The following PTPRA variants were observed in gnomAD, a reference collection of about 807,000 sequenced individuals.
PTPRA encodes protein tyrosine phosphatase receptor type A, also known as receptor-type tyrosine-protein phosphatase alpha.
A neutral mutation model predicts 104.8 loss-of-function variants in PTPRA; 25 were observed. The observed-to-expected ratio is 0.24, with a 90% CI of 0.17 to 0.33. The LOEUF is 0.33. Among genes scored for constraint, PTPRA ranks in the 10% least tolerant of loss-of-function variants. PTPRA has a pLI of 1.00. For missense variants in PTPRA, 765 were observed against 1,015.3 expected (o/e 0.75, Z 3.35); for synonymous variants, 323 against 368.9 (o/e 0.88, Z 1.43).
At chr20:2,963,572 C>T (rs953704810) in intron 3 of PTPRA, among the ~76,000 whole-genome samples, 2 of 151,742 alleles carry the variant, frequency 1.3e-5, no homozygotes, top group African/African-American at 4.8e-5. Flanking sequence ...CCAGCCCGGG[C>T]GACAGTGCAA....
rs751878630 is a variant in PTPRA, at chr20:3,035,637, T to C, written c.1973T>C (p.Ile658Thr). 1.1e-5 allele frequency: 17 copies of C among 1,613,778 alleles called. No individual in the cohort carries two copies. Among genetic ancestry groups the C allele is most frequent in the South Asian group, 3.3e-5 (3 of 91,066 alleles). Residue 658 changes from isoleucine (I) to threonine (T), a missense_variant, in exon 21 of 24, where the codon ATT becomes ACT. Ile to Thr is a moderately conservative substitution (Grantham distance 89, BLOSUM62 -1). Coordinates refer to ENST00000399903, the MANE Select transcript of PTPRA (RefSeq NM_001385305.1). The surrounding 1 kb of genome is among the most constrained non-coding windows in gnomAD (Gnocchi z 5.8). ...PSDGLVSYGD[I>T]TVELKKEEEC... ...GATGGACTGGTGTCCTATGGAGATA[T>C]TACAGTGGAACTGAAGAAGGAGGAG...
chr20:3,003,700 ATTTTTTTTTTTTTT>A (rs59358849), intron 9 of PTPRA, among the ~76,000 whole-genome samples: 1 of 105,564 alleles, frequency 9.5e-6, no homozygotes, highest in Non-Finnish European at 1.9e-5. Flanking sequence ...ATACCTGGCT[ATTTTTTTTTTTTTT>A]TTTTTTTTTA....
chr20:2,907,490 A>C (rs2059469729), intron 1 of PTPRA, among the ~76,000 whole-genome samples: 1 of 152,250 alleles, frequency 6.6e-6, no homozygotes, highest in Non-Finnish European at 1.5e-5. Context: ...TATTTTTCAT[A>C]GAATATCTAT....
chr20:3,022,544 T>C lies in PTPRA; in HGVS notation c.1329-145T>C. 1 of 1,166,592 alleles carries C rather than the reference T, an allele frequency of 8.6e-7. No individual in the cohort carries two copies. The highest frequency in any genetic ancestry group is 1.2e-6 in the Non-Finnish European group (1 of 835,094). 72.3% of individuals were successfully genotyped at this position (1,166,592 alleles called of 1,614,324 possible). ...CAGGATTCAGGACATACTGGAGTTG[T>C]TGGCTCCTGGAGAGCCCCAGCTCTA... On this transcript the variant is annotated intron_variant, in intron 15 of 23. Transcript: ENST00000399903. This position sits in a 1 kb window ranked among gnomAD's most constrained non-coding sequence, Gnocchi z 4.6.
At chr20:2,962,426 A>G (rs1429017912) in intron 3 of PTPRA, among the ~76,000 whole-genome samples, 1 of 152,178 alleles carries the variant, frequency 6.6e-6, no homozygotes, top group African/African-American at 2.4e-5. Context: ...TTATTTTGGT[A>G]TATGGAATGA....
intron 5 of PTPRA, among the ~76,000 whole-genome samples, chr20:2,965,715 G>T (rs2061920597): frequency 6.6e-6 from 1 of 152,224 alleles, no homozygotes; most frequent in Admixed American, 6.5e-5. Context: ...ATGACAGTTA[G>T]ATATGGAGTG....
intron 2 of PTPRA, among the ~76,000 whole-genome samples, chr20:2,947,528 C>T (rs2061179111): frequency 1.3e-5 from 2 of 152,290 alleles, no homozygotes; most frequent in East Asian, 3.9e-4. Flanking sequence ...TTGTGCTCTA[C>T]ATTCACCCTG....
At chr20:2,894,429 C>A (rs2058914822) in intron 1 of PTPRA, among the ~76,000 whole-genome samples, 1 of 152,092 alleles carries the variant, frequency 6.6e-6, no homozygotes, top group Admixed American at 6.6e-5. Context: ...GGGTCCTGTG[C>A]CACACTGGAG....
At chr20:2,927,701 AT>A (rs1370156301) in intron 2 of PTPRA, among the ~76,000 whole-genome samples, 2 of 151,962 alleles carry the variant, frequency 1.3e-5, no homozygotes, top group African/African-American at 4.8e-5. Flanking sequence ...CTTTCTTTGT[AT>A]TTGTTTTTTA....
chr20:2,894,802 C>T (rs371259049), intron 1 of PTPRA, among the ~76,000 whole-genome samples: 43 of 151,936 alleles, frequency 2.8e-4, no homozygotes, highest in African/African-American at 1.0e-3. Flanking sequence ...TTGGCTAACA[C>T]GGTGAAACCC....
chr20:2,899,781 G>T (rs913986014), intron 1 of PTPRA, among the ~76,000 whole-genome samples: 5 of 152,046 alleles, frequency 3.3e-5, no homozygotes, highest in Non-Finnish European at 5.9e-5. Context: ...CAACACAATA[G>T]GGTTTCTTCT....
chr20:2,897,623 G>A (rs982066778), intron 1 of PTPRA, among the ~76,000 whole-genome samples: 1 of 151,944 alleles, frequency 6.6e-6, no homozygotes, highest in Non-Finnish European at 1.5e-5. Flanking sequence ...CTTGACCTCA[G>A]ATGATCTGCC....
rs1568638017 is a variant in PTPRA, at chr20:2,883,675, A to AAAAAAAAAAAAAAAG, written c.-129+9918_-129+9919insAAAAAAAAAAAGAAA. On this transcript the variant is annotated intron_variant, in intron 1 of 23. Coordinates refer to ENST00000399903, the MANE Select transcript of PTPRA (RefSeq NM_001385305.1). ...TCAAAAAAAAAAAAAAAAAAAAAAA[A>AAAAAAAAAAAAAAAG]AAAGAAAGAAATGTGCAATGGTAGA... Among the ~76,000 whole-genome samples, 8 of 22,668 alleles carry AAAAAAAAAAAAAAAG rather than the reference A, an allele frequency of 3.5e-4. 1 individual carries two copies. The African/African-American group carries it at 5.9e-3, about 17-fold the overall frequency. 14.9% of individuals were successfully genotyped at this position (22,668 alleles called of 152,430 possible).
rs549156538 is a variant in PTPRA at position 3,015,309 on chromosome 20, T to C, written c.907-540T>C. On this transcript the variant is annotated intron_variant, in intron 11 of 23. Transcript: ENST00000399903. ...TTTTTCTTTCTTTCTTTTTCTTTTTTTTTTTTTTTTGGAGATGGAGTCTTG... is the reference window on the plus strand; with the variant it reads ...TTTTTCTTTCTTTCTTTTTCTTTTTCTTTTTTTTTTGGAGATGGAGTCTTG... Among the ~76,000 whole-genome samples the C allele has an allele frequency of 1.1e-4, 16 of 150,062 alleles. No individual in the cohort carries two copies. The East Asian group carries it at 1.2e-3, about 11-fold the overall frequency.
intron 3 of PTPRA, among the ~76,000 whole-genome samples, chr20:2,959,631 A>C (rs73581764): frequency 0.055 from 8,416 of 152,194 alleles, 744 homozygotes; most frequent in African/African-American, 0.19. Context: ...AGAGAGTTTC[A>C]GGTTCACAGC....
chr20:3,022,331 C>A lies in PTPRA; in HGVS notation c.1328+111C>A. ...AGGAGGCTGGCACAGAGTAGATGAC[C>A]TACTGGGGCACCAGCGCAACAGCCA... On this transcript the variant is annotated intron_variant, in intron 15 of 23. Transcript: ENST00000399903. This position sits in a 1 kb window ranked among gnomAD's most constrained non-coding sequence, Gnocchi z 4.6. The A allele has an allele frequency of 7.4e-7, 1 of 1,350,356 alleles. No homozygotes were observed. The highest frequency in any genetic ancestry group is 1.0e-6 in the Non-Finnish European group (1 of 981,426). 83.6% of individuals were successfully genotyped at this position (1,350,356 alleles called of 1,614,324 possible). A position where few individuals can be genotyped will look rare whatever the true frequency, so the allele number is the denominator to read the frequency against.
In PTPRA at chr20:3,022,127, G is replaced by A; in HGVS notation, c.1235G>A (p.Gly412Glu). 6.2e-7 allele frequency: 1 copy of A among 1,614,186 alleles called. No individual in the cohort carries two copies. The highest frequency in any genetic ancestry group is 8.5e-7 in the Non-Finnish European group (1 of 1,180,034). The part of the protein sequence containing the change: ...QFHFTSWPDF[G>E]VPFTPIGMLK... ...CACTTTACCAGCTGGCCAGACTTTG[G>A]GGTGCCTTTTACCCCGATCGGCATG... is the stretch of plus-strand genomic sequence containing the variant. The change falls in exon 15 of 24, where the codon GGG becomes GAG. Residue 412 changes from glycine (G) to glutamate (E), a missense_variant. Physicochemically the swap from Gly to Glu is moderately conservative, Grantham distance 98. This residue lies in a region of PTPRA where 245 missense variants were observed against 398.7 expected (regional missense o/e 0.61). Coordinates refer to ENST00000399903, the MANE Select transcript of PTPRA (RefSeq NM_001385305.1). This position sits in a 1 kb window ranked among gnomAD's most constrained non-coding sequence, Gnocchi z 4.6.
In PTPRA at chr20:2,950,155, TG is replaced by T. The variant is rs2061304179; in HGVS notation, c.-7+2134del. Among the ~76,000 whole-genome samples, 1 of 152,160 alleles carries T rather than the reference TG, an allele frequency of 6.6e-6. No individual in the cohort carries two copies. Among genetic ancestry groups the T allele is most frequent in the Non-Finnish European group, 1.5e-5 (1 of 68,008 alleles). Reference sequence around the variant, plus strand: ...GCATCTGGGTCCAGTGTTTTTTATGTGGGACAAATTTGAACTTGTGGTCAAC... The same window carrying T: ...GCATCTGGGTCCAGTGTTTTTTATGTGGACAAATTTGAACTTGTGGTCAAC... On this transcript the variant is annotated intron_variant, in intron 3 of 23. Coordinates refer to ENST00000399903, the MANE Select transcript of PTPRA (RefSeq NM_001385305.1). The surrounding 1 kb of genome is among the most constrained non-coding windows in gnomAD (Gnocchi z 4.0).
At chr20:3,023,231 C>T (rs1179108457) in intron 16 of PTPRA, among the ~76,000 whole-genome samples, 2 of 152,244 alleles carry the variant, frequency 1.3e-5, no homozygotes, top group East Asian at 1.9e-4. Context: ...ACACAATGCA[C>T]TGCGGAAGGC....
Sources: gnomAD v4.1 joint callset for allele counts (sites outside exome capture counted in the v4.1 genomes callset) on GRCh38, gnomAD v4.1.1 for gene constraint, gnomAD v4.1.1 regional missense constraint, Gnocchi (gnomAD v3.1) non-coding constraint, MANE v1.5 for transcripts, NCBI Gene and HGNC (gene_info 2026-07-23, HGNC 2026-07-21) for gene names.